PPP1R14C: variants seen among roughly 807,000 people sequenced by gnomAD.
PPP1R14C encodes protein phosphatase 1 regulatory inhibitor subunit 14C, also known as protein phosphatase 1 regulatory subunit 14C.
In PPP1R14C, 16 loss-of-function variants were observed where a neutral mutation model predicts 20.4. The ratio of observed to expected loss-of-function variants is 0.78; its 90% CI spans 0.53 to 1.19. PPP1R14C has a LOEUF of 1.19. PPP1R14C is among the 50% of genes most tolerant of loss of function. PPP1R14C has a pLI of 0.00. For synonymous variants in PPP1R14C, 91 were observed against 91.0 expected, an observed-to-expected ratio of 1.00 and a Z score of 0.00; for missense variants, 211 against 220.1, an observed-to-expected ratio of 0.96 and a Z score of 0.26.
chr6:150,177,057 G>A (rs565299507), intron 1 of PPP1R14C, among the ~76,000 whole-genome samples: 16 of 152,276 alleles, frequency 1.1e-4, no homozygotes, highest in African/African-American at 3.9e-4. Flanking sequence ...TAATATCCAC[G>A]GCTCAGCCTG....
chr6:150,191,181 G>C (rs544402447), intron 1 of PPP1R14C, among the ~76,000 whole-genome samples: 2 of 152,100 alleles, frequency 1.3e-5, no homozygotes, highest in Non-Finnish European at 2.9e-5. Context: ...CATACGTCAG[G>C]CTCCCAGTGA....
chr6:150,225,162 A>AT (rs1778216866), intron 3 of PPP1R14C, among the ~76,000 whole-genome samples: 1 of 152,072 alleles, frequency 6.6e-6, no homozygotes, highest in African/African-American at 2.4e-5. Flanking sequence ...GGGAAAAAAA[A>AT]AGAAGAAGAA....
chr6:150,204,996 C>CTCT (rs368353521), intron 1 of PPP1R14C, among the ~76,000 whole-genome samples: 2 of 143,332 alleles, frequency 1.4e-5, no homozygotes, highest in Admixed American at 1.4e-4. Flanking sequence ...AACTCAGAGT[C>CTCT]TTTTTTTTTT....
intron 3 of PPP1R14C, among the ~76,000 whole-genome samples, chr6:150,231,151 G>C (rs751089277): frequency 6.6e-6 from 1 of 152,090 alleles, no homozygotes. Flanking sequence ...GAAACTCCAG[G>C]GGGAGAGAAA....
intron 3 of PPP1R14C, among the ~76,000 whole-genome samples, chr6:150,247,575 C>T (rs1313597749): frequency 1.3e-5 from 2 of 152,098 alleles, no homozygotes; most frequent in East Asian, 3.9e-4. Flanking sequence ...ATAGAAATAC[C>T]AGAGTGCATG....
intron 3 of PPP1R14C, among the ~76,000 whole-genome samples, chr6:150,224,879 A>G (rs1329968044): frequency 6.6e-6 from 1 of 152,132 alleles, no homozygotes; most frequent in Non-Finnish European, 1.5e-5. Context: ...GGCCTTAAGT[A>G]GTGTGGTAGT....
rs116720274 is a variant in PPP1R14C at position 150,185,625 on chromosome 6, G to A, written c.307-29119G>A. Among the ~76,000 whole-genome samples, 1,239 of 152,208 alleles carry A rather than the reference G, an allele frequency of 8.1e-3. 11 individuals are homozygous for A. Among genetic ancestry groups the A allele is most frequent in the East Asian group, 0.026 (137 of 5,172 alleles). Reference sequence around the variant, plus strand: ...TGCATAATAGCTCTGCGGCCTCCCTGTCTGTATTAGGAAGCTGATGATCAT... The same window carrying A: ...TGCATAATAGCTCTGCGGCCTCCCTATCTGTATTAGGAAGCTGATGATCAT... On this transcript the variant is annotated intron_variant, in intron 1 of 3. Coordinates refer to ENST00000361131, the MANE Select transcript of PPP1R14C (RefSeq NM_030949.3). This position sits in a 1 kb window ranked among gnomAD's most constrained non-coding sequence, Gnocchi z 4.1.
chr6:150,208,827 C>T (rs971408185), intron 1 of PPP1R14C, among the ~76,000 whole-genome samples: 11 of 152,236 alleles, frequency 7.2e-5, no homozygotes, highest in East Asian at 1.9e-4. Flanking sequence ...CAGAGCAGCC[C>T]GGCACAGCGT....
chr6:150,172,874 C>T (rs1777514856), intron 1 of PPP1R14C, among the ~76,000 whole-genome samples: 1 of 152,104 alleles, frequency 6.6e-6, no homozygotes. Context: ...AGGTCGCTCT[C>T]ACAGTCAAGG....
At chr6:150,192,415 G>A (rs191534922) in intron 1 of PPP1R14C, among the ~76,000 whole-genome samples, 10 of 152,132 alleles carry the variant, frequency 6.6e-5, no homozygotes, top group Admixed American at 6.5e-5. Context: ...GATCCCTTTC[G>A]TGCGTGGTTC....
intron 1 of PPP1R14C, among the ~76,000 whole-genome samples, chr6:150,209,767 A>T (rs1777998737): frequency 6.9e-6 from 1 of 144,178 alleles, no homozygotes; most frequent in African/African-American, 2.6e-5. Flanking sequence ...TTGTATATAT[A>T]TTTGTGTGTG....
intron 3 of PPP1R14C, among the ~76,000 whole-genome samples, chr6:150,236,464 C>G (rs1778361589): frequency 6.6e-6 from 1 of 152,042 alleles, no homozygotes; most frequent in Admixed American, 6.5e-5. Context: ...GAGGTAGGGG[C>G]CCAGGAGTTT....
chr6:150,148,027 CAT>C (rs1015743313), intron 1 of PPP1R14C, among the ~76,000 whole-genome samples: 2 of 152,174 alleles, frequency 1.3e-5, no homozygotes, highest in African/African-American at 4.8e-5. Context: ...TAATCTGAAA[CAT>C]AACGTCATTA....
chr6:150,188,549 T>C lies in PPP1R14C; in HGVS notation c.307-26195T>C, dbSNP rs1365064635. Among the ~76,000 whole-genome samples, 5 of 138,050 alleles carry C rather than the reference T, an allele frequency of 3.6e-5. No homozygotes were observed. In the South Asian group the frequency reaches 9.2e-4, roughly 25 times the overall value. 90.6% of individuals were successfully genotyped at this position (138,050 alleles called of 152,430 possible). ...TTGCCCAGGCTGGAGTGCAGTGAAG[T>C]AATCTCGGCTCACTGCAAGCTCTGC... On this transcript the variant is annotated intron_variant, in intron 1 of 3. Coordinates refer to ENST00000361131, the MANE Select transcript of PPP1R14C (RefSeq NM_030949.3).
intron 3 of PPP1R14C, among the ~76,000 whole-genome samples, chr6:150,233,698 C>T (rs1036368743): frequency 5.3e-5 from 8 of 152,168 alleles, no homozygotes; most frequent in African/African-American, 1.7e-4. Context: ...CAGGCACTTT[C>T]GGACTGCATT....
At position 150,220,913 on chromosome 6, in the gene PPP1R14C, G is replaced by A. The variant is rs566335737; in HGVS notation, c.423+4057G>A. 3.9e-5 allele frequency among the ~76,000 whole-genome samples: 6 copies of A among 152,326 alleles called. No homozygotes were observed. The East Asian group carries it at 1.2e-3, about 29-fold the overall frequency. Reference sequence around the variant, plus strand: ...GTTTCTATACGGAGGGTCAGGAGATGAAAGAATGTATTATTTGAACACTCT... The same window carrying A: ...GTTTCTATACGGAGGGTCAGGAGATAAAAGAATGTATTATTTGAACACTCT... On this transcript the variant is annotated intron_variant, in intron 3 of 3. Transcript: ENST00000361131.
chr6:150,223,808 A>T (rs1180809607), intron 3 of PPP1R14C, among the ~76,000 whole-genome samples: 1 of 151,830 alleles, frequency 6.6e-6, no homozygotes, highest in Non-Finnish European at 1.5e-5. Flanking sequence ...CTTCTCTTTT[A>T]ATTCTCTTGA....
chr6:150,230,643 G>A (rs1478850400), intron 3 of PPP1R14C, among the ~76,000 whole-genome samples: 1 of 152,224 alleles, frequency 6.6e-6, no homozygotes, highest in Non-Finnish European at 1.5e-5. Flanking sequence ...CTTGCGTAAT[G>A]TATACAATCA....
chr6:150,199,542 G>A (rs1346107379), intron 1 of PPP1R14C, among the ~76,000 whole-genome samples: 1 of 152,118 alleles, frequency 6.6e-6, no homozygotes, highest in Admixed American at 6.6e-5. Context: ...AAACCCACCA[G>A]CCTCTTCATC....
Sources: allele counts gnomAD v4.1 joint callset (sites outside exome capture counted in the v4.1 genomes callset), GRCh38; gene constraint gnomAD v4.1.1; non-coding constraint Gnocchi (gnomAD v3.1); transcripts MANE v1.5; gene names NCBI Gene and HGNC (gene_info 2026-07-23, HGNC 2026-07-21).